GALNTL6: variants seen among roughly 807,000 people sequenced by gnomAD.
GALNTL6 encodes polypeptide N-acetylgalactosaminyltransferase-like 6.
In GALNTL6, 46 loss-of-function variants were observed where a neutral mutation model predicts 73.7. The ratio of observed to expected loss-of-function variants is 0.62; its 90% CI spans 0.49 to 0.80. The LOEUF (loss-of-function observed/expected upper bound fraction) is 0.80. GALNTL6 is among the 30% of genes least tolerant of loss of function. The pLI, the probability that GALNTL6 is intolerant of heterozygous loss-of-function variation, is 0.00. For synonymous variants in GALNTL6, 259 were observed against 263.7 expected, an observed-to-expected ratio of 0.98 and a Z score of 0.17; for missense variants, 604 against 755.0, an observed-to-expected ratio of 0.80 and a Z score of 2.34.
At chr4:171,920,971 CAT>C (rs1272706891) in intron 2 of GALNTL6, among the ~76,000 whole-genome samples, 1 of 152,062 alleles carries the variant, frequency 6.6e-6, no homozygotes, top group African/African-American at 2.4e-5. Flanking sequence ...AAATCTATCT[CAT>C]ACAATAATTT....
chr4:172,195,735 A>G (rs960509018), intron 2 of GALNTL6, among the ~76,000 whole-genome samples: 4 of 152,226 alleles, frequency 2.6e-5, no homozygotes, highest in Admixed American at 1.3e-4. Flanking sequence ...GTTATTTGAA[A>G]CTAATTAGAA....
chr4:172,873,799 G>A (rs574462599), intron 7 of GALNTL6, among the ~76,000 whole-genome samples: 1 of 152,250 alleles, frequency 6.6e-6, no homozygotes, highest in South Asian at 2.1e-4. Flanking sequence ...ATTAAGCAGG[G>A]TGTAAACGTA....
At chr4:171,847,137 C>A (rs1324130388) in intron 2 of GALNTL6, among the ~76,000 whole-genome samples, 2 of 151,662 alleles carry the variant, frequency 1.3e-5, no homozygotes, top group Non-Finnish European at 2.9e-5. Flanking sequence ...TAATGAGAAT[C>A]GACTGTACAA....
intron 2 of GALNTL6, among the ~76,000 whole-genome samples, chr4:171,996,445 C>T (rs1165719151): frequency 6.6e-6 from 1 of 151,992 alleles, no homozygotes; most frequent in Non-Finnish European, 1.5e-5. Flanking sequence ...TACCTCCAAT[C>T]AACTACTATT....
intron 5 of GALNTL6, among the ~76,000 whole-genome samples, chr4:172,358,857 CAAAAAAAAA>C (rs56119441): frequency 1.2e-5 from 1 of 85,568 alleles, no homozygotes; most frequent in African/African-American, 4.7e-5. Context: ...ATTAAAAAGT[CAAAAAAAAA>C]AAAAAAAAAA....
At chr4:171,989,472 G>T (rs566509182) in intron 2 of GALNTL6, among the ~76,000 whole-genome samples, 54 of 152,286 alleles carry the variant, frequency 3.5e-4, no homozygotes, top group African/African-American at 1.2e-3. Context: ...TTGGCCCAGT[G>T]GCCAGATTTC....
chr4:172,430,853 AT>A (rs1267250817), intron 5 of GALNTL6, among the ~76,000 whole-genome samples: 1 of 152,096 alleles, frequency 6.6e-6, no homozygotes, highest in Non-Finnish European at 1.5e-5. Flanking sequence ...AGGGAAAATT[AT>A]TTTATGAGTT....
intron 11 of GALNTL6, among the ~76,000 whole-genome samples, chr4:173,009,781 T>C (rs530893651): frequency 5.4e-4 from 83 of 152,334 alleles, no homozygotes; most frequent in African/African-American, 1.9e-3. Flanking sequence ...ATGTGAAGGA[T>C]GTAAGCAACA....
intron 5 of GALNTL6, among the ~76,000 whole-genome samples, chr4:172,670,806 C>T (rs962663843): frequency 6.6e-6 from 1 of 151,990 alleles, no homozygotes. Flanking sequence ...AGTTTTAATC[C>T]ATCTTGAGTT....
intron 8 of GALNTL6, among the ~76,000 whole-genome samples, chr4:172,894,144 G>A (rs761489380): frequency 7.9e-5 from 12 of 152,134 alleles, no homozygotes; most frequent in Non-Finnish European, 1.8e-4. Context: ...TCTCAGCTAT[G>A]TCTAATTAAC....
At chr4:171,948,224 G>A (rs917283477) in intron 2 of GALNTL6, among the ~76,000 whole-genome samples, 6 of 152,102 alleles carry the variant, frequency 3.9e-5, no homozygotes, top group African/African-American at 1.4e-4. Context: ...TTCCCTTGAA[G>A]CTGTCAGAGT....
chr4:172,075,484 G>A (rs147249615), intron 2 of GALNTL6, among the ~76,000 whole-genome samples: 8 of 151,968 alleles, frequency 5.3e-5, no homozygotes, highest in Non-Finnish European at 1.2e-4. Flanking sequence ...ACAGGCGCCT[G>A]CCACCAGGCC....
intron 2 of GALNTL6, among the ~76,000 whole-genome samples, chr4:171,965,974 C>T (rs1216129774): frequency 1.3e-5 from 2 of 152,144 alleles, no homozygotes; most frequent in Non-Finnish European, 2.9e-5. Flanking sequence ...TGTAAGCTTG[C>T]TTTTAAAAAG....
chr4:172,263,579 A>G (rs997302093), intron 3 of GALNTL6, among the ~76,000 whole-genome samples: 1 of 151,322 alleles, frequency 6.6e-6, no homozygotes. Context: ...TTGAGTAGCT[A>G]CTTTTTAAAT....
intron 5 of GALNTL6, among the ~76,000 whole-genome samples, chr4:172,465,476 C>CA (rs112667012): frequency 1.4e-5 from 2 of 147,370 alleles, no homozygotes; most frequent in Non-Finnish European, 3.0e-5. Context: ...GAATCCGTCT[C>CA]AAAAAAAGAA....
intron 8 of GALNTL6, among the ~76,000 whole-genome samples, chr4:172,908,949 G>A (rs1167319781): frequency 6.6e-6 from 1 of 151,506 alleles, no homozygotes; most frequent in Non-Finnish European, 1.5e-5. Context: ...AGAATAATAA[G>A]AAAATTTTGG....
At chr4:172,396,367 C>T (rs560742037) in intron 5 of GALNTL6, among the ~76,000 whole-genome samples, 2 of 150,582 alleles carry the variant, frequency 1.3e-5, no homozygotes, top group African/African-American at 2.4e-5. Flanking sequence ...TTTTGATTTA[C>T]CATAGTCCTC....
intron 5 of GALNTL6, among the ~76,000 whole-genome samples, chr4:172,404,847 T>C (rs1363062345): frequency 6.6e-6 from 1 of 152,096 alleles, no homozygotes; most frequent in Non-Finnish European, 1.5e-5. Flanking sequence ...AGCCTGATTG[T>C]GTAATGAAGA....
At chr4:172,845,785 A>T (rs1358447928) in intron 7 of GALNTL6, among the ~76,000 whole-genome samples, 1 of 152,000 alleles carries the variant, frequency 6.6e-6, no homozygotes, top group African/African-American at 2.4e-5. Context: ...CAGCAAAGGG[A>T]TTTTTTTTAT....
Sources: gnomAD v4.1 joint callset for allele counts (sites outside exome capture counted in the v4.1 genomes callset) on GRCh38, gnomAD v4.1.1 for gene constraint, MANE v1.5 for transcripts, NCBI Gene and HGNC (gene_info 2026-07-23, HGNC 2026-07-21) for gene names.